The following USP48 variants were observed in gnomAD, a reference collection of about 807,000 sequenced individuals.
USP48 encodes ubiquitin carboxyl-terminal hydrolase 48.
USP48 carries 43 observed loss-of-function variants against 150.7 expected under a neutral mutation model. The ratio of observed to expected loss-of-function variants is 0.29; its 90% CI spans 0.22 to 0.37. The LOEUF (loss-of-function observed/expected upper bound fraction) is 0.37, where lower values mean the gene tolerates loss of function less well. USP48 is among the 10% of genes least tolerant of loss of function. The pLI is 1.00. For missense variants in USP48, 813 were observed against 1,249.6 expected (o/e 0.65, Z 5.27); for synonymous variants, 396 against 425.9 (o/e 0.93, Z 0.86).
chr1:21,693,596 G>A (rs968017987), intron 23 of USP48, among the ~76,000 whole-genome samples: 1 of 152,124 alleles, frequency 6.6e-6, no homozygotes, highest in Non-Finnish European at 1.5e-5. Context: ...GCTGACTTCT[G>A]GTTTATTCTT....
chr1:21,779,001 T>C (rs892991038), intron 1 of USP48, among the ~76,000 whole-genome samples: 1 of 151,988 alleles, frequency 6.6e-6, no homozygotes, highest in Admixed American at 6.6e-5. Flanking sequence ...CAGGATGGTC[T>C]CGATCTCCTG....
intron 1 of USP48, among the ~76,000 whole-genome samples, chr1:21,780,905 C>T (rs4316341): frequency 1.3e-5 from 2 of 150,952 alleles, no homozygotes; most frequent in East Asian, 3.9e-4. Context: ...CCACCCCCGG[C>T]TAATTTTTGT....
chr1:21,780,446 T>C (rs1243505948), intron 1 of USP48, among the ~76,000 whole-genome samples: 1 of 152,106 alleles, frequency 6.6e-6, no homozygotes, highest in African/African-American at 2.4e-5. Context: ...TTTAGGATAA[T>C]GAAAAGTTCT....
intron 1 of USP48, among the ~76,000 whole-genome samples, chr1:21,776,499 G>C (rs1214269817): frequency 6.8e-6 from 1 of 147,218 alleles, no homozygotes; most frequent in Admixed American, 7.1e-5. Flanking sequence ...TGAGGAGGGA[G>C]GACTGCTAGA....
Position 21,747,131 on chromosome 1 carries a change from T to C in USP48, c.927A>G (p.Lys309=), listed in dbSNP as rs1234433340. 6.2e-7 allele frequency: 1 copy of C among 1,611,168 alleles called. No homozygotes were observed. The highest frequency in any genetic ancestry group is 2.2e-5 in the East Asian group (1 of 44,762). Residue 309 remains lysine, a synonymous_variant, in exon 8 of 27, where the codon AAA becomes AAG. Transcript: ENST00000308271. ...FVFDRQTGHK[K]KLNTYIGFSE... ...AGAAGCCAATGTAGGTATTCAGCTT[T>C]TTCTTATGTCCAGTTTGCCTAACCA...
intron 1 of USP48, chr1:21,768,701 T>C (rs972871986): frequency 6.8e-5 from 9 of 132,408 alleles, no homozygotes; most frequent in Admixed American, 2.6e-4. Context: ...AGGATCTCAG[T>C]CACCATCTTC....
At chr1:21,743,719 G>A (rs148444111) in intron 8 of USP48, among the ~76,000 whole-genome samples, 48 of 152,232 alleles carry the variant, frequency 3.2e-4, no homozygotes, top group East Asian at 1.9e-4. Context: ...GGAGGCTTCC[G>A]GGGTACCAGA....
intron 1 of USP48, among the ~76,000 whole-genome samples, chr1:21,767,541 T>C (rs74690785): frequency 0.11 from 17,365 of 151,802 alleles, 1,198 homozygotes; most frequent in African/African-American, 0.18. Flanking sequence ...GCCAGGCTGG[T>C]CTCGATCTCC....
Position 21,783,148 on chromosome 1 carries a change from G to T in USP48, c.-191C>A. ...CCGCGCCCGACCCGCACGACCGGCC[G>T]CAAAGCGCCGCCGTCGACACCCGAC... On this transcript the variant is annotated 5_prime_UTR_variant, in exon 1 of 27. Transcript: ENST00000308271. 1 of 841,494 alleles carries T rather than the reference G, an allele frequency of 1.2e-6. No individual in the cohort carries two copies. Among genetic ancestry groups the T allele is most frequent in the Non-Finnish European group, 1.6e-6 (1 of 609,568 alleles). The allele number at this position is 841,494 out of a possible 1,614,324, so 52.1% of individuals were successfully genotyped here. A position where few individuals can be genotyped will look rare whatever the true frequency, so the allele number is the denominator to read the frequency against.
intron 1 of USP48, among the ~76,000 whole-genome samples, chr1:21,765,423 C>T (rs1183598053): frequency 6.6e-6 from 1 of 152,086 alleles, no homozygotes; most frequent in Non-Finnish European, 1.5e-5. Context: ...TGAGACCAGC[C>T]TGGCTAATAT....
intron 8 of USP48, among the ~76,000 whole-genome samples, chr1:21,743,291 G>A (rs564970768): frequency 1.3e-5 from 2 of 152,126 alleles, no homozygotes; most frequent in Non-Finnish European, 2.9e-5. Flanking sequence ...CAACCTCAGC[G>A]GGACCTACTT....
rs199539331 is a variant in USP48 at position 21,765,901 on chromosome 1, CAAAAAAAAAAAAAAAAAAAAAAA to C, written c.135-8141_135-8119del. On this transcript the variant is annotated intron_variant, in intron 1 of 26. Transcript: ENST00000308271. ...GGGCAACAAAGTGAGACTCCATCTC[CAAAAAAAAAAAAAAAAAAAAAAA>C]AAAAAAAAAAAAAGGCAATTCAGTG... Among the ~76,000 whole-genome samples, 159 of 112,118 alleles carry C rather than the reference CAAAAAAAAAAAAAAAAAAAAAAA, an allele frequency of 1.4e-3. 1 individual carries two copies. Among genetic ancestry groups the C allele is most frequent in the African/African-American group, 1.8e-3 (45 of 24,344 alleles). The allele number at this position is 112,118 out of a possible 152,430, so 73.6% of individuals were successfully genotyped here.
chr1:21,772,739 T>C (rs2097885155), intron 1 of USP48, among the ~76,000 whole-genome samples: 1 of 150,178 alleles, frequency 6.7e-6, no homozygotes, highest in Non-Finnish European at 1.5e-5. Context: ...CTGGCCAACA[T>C]GGTGAAACCC....
intron 25 of USP48, among the ~76,000 whole-genome samples, chr1:21,683,128 T>C (rs1001820669): frequency 6.6e-6 from 1 of 151,908 alleles, no homozygotes; most frequent in Non-Finnish European, 1.5e-5. Context: ...AGGCATGGTG[T>C]TGCATGCCTA....
At chr1:21,706,074 G>C in intron 18 of USP48, 52 bp downstream of exon 18, 2 of 1,573,574 alleles carry the variant, frequency 1.3e-6, no homozygotes, top group Non-Finnish European at 1.7e-6. Flanking sequence ...AAAAATACCA[G>C]AGTCAACCAA....
intron 9 of USP48, among the ~76,000 whole-genome samples, chr1:21,732,404 T>C (rs568213099): frequency 2.0e-5 from 3 of 152,312 alleles, no homozygotes; most frequent in South Asian, 2.1e-4. Flanking sequence ...TCTACCTCTC[T>C]TTTCACAATC....
chr1:21,731,517 GC>G (rs1484223123), intron 9 of USP48, among the ~76,000 whole-genome samples: 3 of 151,516 alleles, frequency 2.0e-5, no homozygotes, highest in Non-Finnish European at 4.4e-5. Flanking sequence ...TCCCTCCTCG[GC>G]CTCCCAAAGT....
At chr1:21,708,581 T>C (rs1293033891) in intron 15 of USP48, among the ~76,000 whole-genome samples, 1 of 151,828 alleles carries the variant, frequency 6.6e-6, no homozygotes, top group Non-Finnish European at 1.5e-5. Flanking sequence ...TAAAATTTAT[T>C]TATTTATTTA....
chr1:21,691,113 G>A (rs756487212), intron 23 of USP48, among the ~76,000 whole-genome samples: 5 of 151,832 alleles, frequency 3.3e-5, no homozygotes, highest in Non-Finnish European at 7.4e-5. Context: ...TCAGGAGTTC[G>A]AGACCAGCCT....
Sources: allele counts gnomAD v4.1 joint callset (sites outside exome capture counted in the v4.1 genomes callset), GRCh38; gene constraint gnomAD v4.1.1; transcripts MANE v1.5; gene names NCBI Gene and HGNC (gene_info 2026-07-23, HGNC 2026-07-21).